Variants in TMED3 observed in about 807,000 individuals in gnomAD.
TMED3 encodes transmembrane p24 trafficking protein 3.
Under a neutral mutation model 15.0 loss-of-function variants are expected in TMED3, and 9 were observed. The ratio of observed to expected loss-of-function variants is 0.60; its 90% confidence interval spans 0.36 to 1.04. The LOEUF is 1.04. Ranked by LOEUF, TMED3 falls within the 50% of genes least tolerant of loss-of-function variation. The pLI, the probability that TMED3 is intolerant of heterozygous loss-of-function variation, is 0.01. For missense variants in TMED3, 267 were observed against 278.9 expected, an observed-to-expected ratio of 0.96 and a Z score of 0.30; for synonymous variants, 117 against 121.4, an observed-to-expected ratio of 0.96 and a Z score of 0.24.
intron 2 of TMED3, among the ~76,000 whole-genome samples, chr15:79,372,536 C>T (rs28562205): frequency 0.11 from 16,886 of 152,156 alleles, 1,012 homozygotes; most frequent in Admixed American, 0.14. Flanking sequence ...AAATCATGGC[C>T]GGAGGCAAAG....
At chr15:79,380,719 C>G (rs751087918) in intron 2 of TMED3, among the ~76,000 whole-genome samples, 1 of 151,672 alleles carries the variant, frequency 6.6e-6, no homozygotes, top group African/African-American at 2.4e-5. Context: ...CCCTTCACTG[C>G]GGTACTCTAC....
At chr15:79,401,206 A>G (rs1893829204) in intron 2 of TMED3, among the ~76,000 whole-genome samples, 1 of 152,262 alleles carries the variant, frequency 6.6e-6, no homozygotes, top group South Asian at 2.1e-4. Flanking sequence ...GACTGCATGT[A>G]TGATTGAATG....
chr15:79,365,176 A>G (rs1488060485), intron 2 of TMED3, among the ~76,000 whole-genome samples: 1 of 152,340 alleles, frequency 6.6e-6, no homozygotes, highest in South Asian at 2.1e-4. Flanking sequence ...TTTCAAATAC[A>G]TGGGGATTAC....
chr15:79,333,217 G>A (rs2058815856), intron 2 of TMED3, among the ~76,000 whole-genome samples: 1 of 152,190 alleles, frequency 6.6e-6, no homozygotes, highest in South Asian at 2.1e-4. Flanking sequence ...AAGCAAAATT[G>A]TAAGAATGCT....
chr15:79,337,422 A>C (rs987619352), intron 2 of TMED3, among the ~76,000 whole-genome samples: 19 of 152,230 alleles, frequency 1.2e-4, no homozygotes, highest in Non-Finnish European at 2.9e-5. Context: ...TCAGAATTCA[A>C]CATAAGAATT....
At chr15:79,331,838 A>G (rs138483156) in intron 2 of TMED3, among the ~76,000 whole-genome samples, 7 of 152,330 alleles carry the variant, frequency 4.6e-5, no homozygotes, top group African/African-American at 7.2e-5. Context: ...TGCAAATCAA[A>G]ACCACAACAA....
intron 2 of TMED3, among the ~76,000 whole-genome samples, chr15:79,333,950 CAT>C (rs1173924300): frequency 6.6e-6 from 1 of 152,128 alleles, no homozygotes; most frequent in Non-Finnish European, 1.5e-5. Flanking sequence ...TTGGGGAAAA[CAT>C]ATCCTCCTAA....
downstream of TMED3, among the ~76,000 whole-genome samples, chr15:79,323,041 C>T (rs373731800): frequency 6.6e-6 from 1 of 152,168 alleles, no homozygotes; most frequent in Non-Finnish European, 1.5e-5. Context: ...CTCGCATGCT[C>T]ACACCATGTT....
intron 2 of TMED3, among the ~76,000 whole-genome samples, chr15:79,346,970 C>G (rs1480771904): frequency 6.6e-6 from 1 of 152,146 alleles, no homozygotes; most frequent in Non-Finnish European, 1.5e-5. Flanking sequence ...GATCTGGTAG[C>G]ATTTCTGCTA....
intron 2 of TMED3, among the ~76,000 whole-genome samples, chr15:79,342,564 A>G (rs988269253): frequency 1.3e-5 from 2 of 152,256 alleles, no homozygotes; most frequent in African/African-American, 4.8e-5. Context: ...ACAATATCAT[A>G]AAAGAAGTTG....
intron 2 of TMED3, among the ~76,000 whole-genome samples, chr15:79,394,887 G>A (rs1023219385): frequency 1.3e-5 from 2 of 152,058 alleles, no homozygotes; most frequent in Non-Finnish European, 2.9e-5. Flanking sequence ...CTTCCCCAAA[G>A]GTAAGTACTG....
chr15:79,348,413 T>C (rs554154112), intron 2 of TMED3, among the ~76,000 whole-genome samples: 2 of 152,304 alleles, frequency 1.3e-5, no homozygotes, highest in East Asian at 3.9e-4. Flanking sequence ...TTTGCAATAG[T>C]AAAAAACCGA....
In TMED3 at chr15:79,351,482, C is replaced by T. The variant is rs76237905; in HGVS notation, c.417+37477C>T. ...CATCCAAGTCAGTTCTTTTCCTCTT[C>T]TTTCACAATAAAATACTTTGTAAAA... On this transcript the variant is annotated intron_variant, in intron 2 of 2. Coordinates refer to the TMED3 transcript ENST00000424155. 9.7e-3 allele frequency among the ~76,000 whole-genome samples: 1,481 copies of T among 152,304 alleles called. 11 individuals carry two copies. The highest frequency in any genetic ancestry group is 0.016 in the Non-Finnish European group (1,080 of 68,022).
intron 2 of TMED3, among the ~76,000 whole-genome samples, chr15:79,357,330 A>T (rs1239133579): frequency 6.6e-6 from 1 of 151,680 alleles, no homozygotes; most frequent in African/African-American, 2.4e-5. Flanking sequence ...TACAGAAAAA[A>T]AAAAAATTGC....
At chr15:79,408,509 G>C (rs1450328833) in intron 2 of TMED3, among the ~76,000 whole-genome samples, 2 of 152,212 alleles carry the variant, frequency 1.3e-5, no homozygotes, top group African/African-American at 4.8e-5. Context: ...TCATTTGAAG[G>C]AGAAAAGAGA....
chr15:79,350,687 C>T (rs1054763684), intron 2 of TMED3, among the ~76,000 whole-genome samples: 1 of 152,166 alleles, frequency 6.6e-6, no homozygotes, highest in Non-Finnish European at 1.5e-5. Flanking sequence ...TTTGGCAACA[C>T]CCTCACAGAC....
At chr15:79,381,075 A>C (rs749395554) in intron 2 of TMED3, among the ~76,000 whole-genome samples, 4 of 152,178 alleles carry the variant, frequency 2.6e-5, no homozygotes, top group Non-Finnish European at 5.9e-5. Flanking sequence ...TTTAAGAATG[A>C]CAGTCGAGGC....
At chr15:79,354,376 C>T (rs28662322) in intron 2 of TMED3, among the ~76,000 whole-genome samples, 68,996 of 151,808 alleles carry the variant, frequency 0.45, 15,914 homozygotes, top group African/African-American at 0.53. Flanking sequence ...TAGACAGATC[C>T]TGGGGGAAGT....
chr15:79,353,289 ATATGTATAT>A (rs1567030574), intron 2 of TMED3, among the ~76,000 whole-genome samples: 2 of 22,782 alleles, frequency 8.8e-5, no homozygotes, highest in African/African-American at 1.3e-4. Flanking sequence ...AATATATATT[ATATGTATAT>A]TATATATATT....
Sources: allele counts gnomAD v4.1 joint callset (sites outside exome capture counted in the v4.1 genomes callset), GRCh38; gene constraint gnomAD v4.1.1; transcripts MANE v1.5; gene names NCBI Gene and HGNC (gene_info 2026-07-23, HGNC 2026-07-21).